UBE2L3: variants seen among roughly 807,000 people sequenced by gnomAD.
The protein encoded by UBE2L3 is ubiquitin conjugating enzyme E2 L3.
Under a neutral mutation model 17.8 loss-of-function variants are expected in UBE2L3, and 1 was observed. That is an observed-to-expected ratio of 0.06 (90% CI 0.02 to 0.27). The LOEUF is 0.27. Among genes scored for constraint, UBE2L3 ranks in the 10% least tolerant of loss-of-function variants. The pLI, the probability that UBE2L3 is intolerant of heterozygous loss-of-function variation, is 1.00. For synonymous variants in UBE2L3, 44 were observed against 68.5 expected (o/e 0.64, Z 1.76); for missense variants, 40 against 192.6 (o/e 0.21, Z 4.69).
chr22:21,591,519 C>G (rs181341943), intron 1 of UBE2L3, among the ~76,000 whole-genome samples: 35 of 152,324 alleles, frequency 2.3e-4, no homozygotes, highest in Non-Finnish European at 4.1e-4. Flanking sequence ...CTGGGCCGGG[C>G]GCCCAGCACA....
intron 2 of UBE2L3, 112 bp from the exon 3 acceptor site, chr22:21,610,745 C>A: frequency 8.1e-7 from 1 of 1,227,942 alleles, no homozygotes; most frequent in Non-Finnish European, 1.1e-6. Flanking sequence ...TCAGTTGATA[C>A]TTGAATCCCT....
chr22:21,580,201 A>G (rs976704644), intron 1 of UBE2L3, among the ~76,000 whole-genome samples: 3 of 152,176 alleles, frequency 2.0e-5, no homozygotes, highest in African/African-American at 7.2e-5. Context: ...GTCAAAAAAG[A>G]GCAATTTCAG....
intron 2 of UBE2L3, among the ~76,000 whole-genome samples, chr22:21,604,703 G>T (rs1180476149): frequency 6.6e-6 from 1 of 152,160 alleles, no homozygotes; most frequent in East Asian, 1.9e-4. Flanking sequence ...TTGTAGAGCT[G>T]TAGGCCTTTA....
chr22:21,605,417 C>T (rs1929103100), intron 2 of UBE2L3, among the ~76,000 whole-genome samples: 1 of 152,190 alleles, frequency 6.6e-6, no homozygotes, highest in South Asian at 2.1e-4. Context: ...CAGAGTTTCA[C>T]CGTGTTAGCC....
At chr22:21,563,133 T>G (rs534462867), upstream of UBE2L3, among the ~76,000 whole-genome samples, 8 of 150,384 alleles carry the variant, frequency 5.3e-5, no homozygotes, top group South Asian at 1.7e-3. Context: ...TCCCAGCTAC[T>G]CGGGAGGCTG....
intron 1 of UBE2L3, among the ~76,000 whole-genome samples, chr22:21,559,818 G>C (rs1201733343): frequency 1.3e-5 from 2 of 152,254 alleles, no homozygotes; most frequent in African/African-American, 4.8e-5. Context: ...CTGGAGCTCA[G>C]AGAGGGAGGG....
intron 1 of UBE2L3, among the ~76,000 whole-genome samples, chr22:21,556,194 G>A (rs760275984): frequency 2.0e-5 from 3 of 152,166 alleles, no homozygotes; most frequent in Non-Finnish European, 2.9e-5. Flanking sequence ...GTGAGTCACC[G>A]CACTCCTGCC....
Position 21,606,424 on chromosome 22 carries a change from A to G in UBE2L3, c.124-4433A>G, listed in dbSNP as rs1199198725. Among the ~76,000 whole-genome samples, 3 of 152,210 alleles carry G rather than the reference A, an allele frequency of 2.0e-5. No homozygotes were observed. The East Asian group carries it at 5.8e-4, about 29-fold the overall frequency. On this transcript the variant is annotated intron_variant, in intron 2 of 3. Coordinates refer to ENST00000342192, the MANE Select transcript of UBE2L3 (RefSeq NM_003347.4). ...AACCTCTGCCTCCCAGGTTCAAGTG[A>G]TTCTCCTGGCTCAGCCTCCCAGTGT...
At chr22:21,608,741 AT>A (rs779049247) in intron 2 of UBE2L3, among the ~76,000 whole-genome samples, 88 of 109,844 alleles carry the variant, frequency 8.0e-4, no homozygotes, top group Admixed American at 1.2e-3. Context: ...AATATATTTA[AT>A]TTTTTTTTTT....
chr22:21,574,329 T>G (rs914915602), intron 1 of UBE2L3, among the ~76,000 whole-genome samples: 3 of 152,304 alleles, frequency 2.0e-5, no homozygotes, highest in African/African-American at 7.2e-5. Flanking sequence ...ACTTTACCTC[T>G]CTGTGCCTTA....
chr22:21,619,466 T>C (rs1247164234), intron 3 of UBE2L3, among the ~76,000 whole-genome samples: 3 of 152,164 alleles, frequency 2.0e-5, no homozygotes, highest in African/African-American at 7.2e-5. Context: ...CTGTCAGCAT[T>C]GCATGCGCAA....
rs185146011 is a variant in UBE2L3, at chr22:21,612,938, G to T, written c.310+1895G>T. On this transcript the variant is annotated intron_variant, in intron 3 of 3. Transcript: ENST00000342192. Reference sequence around the variant, plus strand: ...AGGCATGAGCCATCATGCCCGGCGAGCCTGGTTTTTTTCTGTACAGATTCC... The same window carrying T: ...AGGCATGAGCCATCATGCCCGGCGATCCTGGTTTTTTTCTGTACAGATTCC... Among the ~76,000 whole-genome samples, 6 of 152,238 alleles carry T rather than the reference G, an allele frequency of 3.9e-5. No individual in the cohort carries two copies. The East Asian group carries it at 1.2e-3, about 29-fold the overall frequency.
At chr22:21,586,336 G>A (rs1306222665) in intron 1 of UBE2L3, among the ~76,000 whole-genome samples, 1 of 152,086 alleles carries the variant, frequency 6.6e-6, no homozygotes, top group Non-Finnish European at 1.5e-5. Context: ...CGTGATCTCA[G>A]CTCACTGCAA....
intron 3 of UBE2L3, among the ~76,000 whole-genome samples, chr22:21,611,509 G>A (rs1026450933): frequency 5.3e-5 from 8 of 152,190 alleles, no homozygotes; most frequent in African/African-American, 1.2e-4. Flanking sequence ...CTAGTTGCTC[G>A]GGTGATGTGA....
At chr22:21,591,102 G>C (rs148153578) in intron 1 of UBE2L3, among the ~76,000 whole-genome samples, 3 of 152,168 alleles carry the variant, frequency 2.0e-5, no homozygotes, top group African/African-American at 7.2e-5. Flanking sequence ...GGTGGCAGTT[G>C]GCAGGTTGGA....
intron 1 of UBE2L3, among the ~76,000 whole-genome samples, chr22:21,572,822 C>T (rs1041537154): frequency 3.3e-5 from 5 of 152,204 alleles, no homozygotes; most frequent in African/African-American, 1.2e-4. Context: ...CCATGCATCT[C>T]CTCCTGTCCC....
At chr22:21,615,015 T>C (rs1929689491) in intron 3 of UBE2L3, among the ~76,000 whole-genome samples, 1 of 150,888 alleles carries the variant, frequency 6.6e-6, no homozygotes, top group Non-Finnish European at 1.5e-5. Flanking sequence ...ATTAGCTGGG[T>C]GTGGTGGCGG....
upstream of UBE2L3, among the ~76,000 whole-genome samples, chr22:21,566,541 G>A (rs1293921289): frequency 1.3e-5 from 2 of 151,288 alleles, no homozygotes; most frequent in Admixed American, 1.3e-4. Flanking sequence ...AGCTGTTATC[G>A]TGCCACTGTA....
In UBE2L3 at chr22:21,621,503, T is replaced by C. The variant is rs1568990868; in HGVS notation, c.311-12T>C. 5 of 1,600,276 alleles carry C rather than the reference T, an allele frequency of 3.1e-6. No homozygotes were observed. The highest frequency in any genetic ancestry group is 1.8e-5 in the Admixed American group (1 of 56,840). The stretch of plus-strand genomic sequence containing the variant: ...TGTGTTAACCCCCCATGCCTTGTCC[T>C]TCTCTTGGCAGTAATCCAGTCCCTC... On this transcript the variant is annotated splice_polypyrimidine_tract_variant and intron_variant, in intron 3 of 3. Transcript: ENST00000342192.
Sources: allele counts gnomAD v4.1 joint callset (sites outside exome capture counted in the v4.1 genomes callset), GRCh38; gene constraint gnomAD v4.1.1; transcripts MANE v1.5; gene names NCBI Gene and HGNC (gene_info 2026-07-23, HGNC 2026-07-21).